Variants in EYS observed in about 807,000 individuals in gnomAD.
EYS encodes EGF-like photoreceptor maintenance factor.
In EYS, 250 loss-of-function variants were observed where a neutral mutation model predicts 282.1. The observed-to-expected ratio is 0.89, with a 90% CI of 0.80 to 0.98. The LOEUF (loss-of-function observed/expected upper bound fraction) is 0.98, where lower values mean the gene tolerates loss of function less well. Ranked by LOEUF, EYS falls within the 50% of genes least tolerant of loss-of-function variation. The probability of loss-of-function intolerance (pLI) is 0.00; values close to 1 mark genes in which losing one functional copy is unlikely to be tolerated. For synonymous variants in EYS, 1,355 were observed against 1,282.9 expected (o/e 1.06, Z -1.20); for missense variants, 4,016 against 3,709.0 (o/e 1.08, Z -2.15).
At chr6:64,620,686 C>T (rs1767419592) in intron 23 of EYS, among the ~76,000 whole-genome samples, 1 of 147,608 alleles carries the variant, frequency 6.8e-6, no homozygotes, top group African/African-American at 2.5e-5. Context: ...AAACATAAAT[C>T]AGGCAAATAA....
chr6:64,812,048 G>A (rs1764612687), intron 22 of EYS, among the ~76,000 whole-genome samples: 1 of 151,954 alleles, frequency 6.6e-6, no homozygotes, highest in Non-Finnish European at 1.5e-5. Flanking sequence ...TTCAATTTAT[G>A]ATTAATGACT....
At chr6:65,487,238 C>A (rs1020531327) in intron 5 of EYS, among the ~76,000 whole-genome samples, 3 of 152,154 alleles carry the variant, frequency 2.0e-5, no homozygotes, top group Non-Finnish European at 4.4e-5. Flanking sequence ...GAGAGGACAT[C>A]CTTGTCTTCT....
At chr6:65,355,827 A>T (rs1243458857) in intron 8 of EYS, among the ~76,000 whole-genome samples, 1 of 152,112 alleles carries the variant, frequency 6.6e-6, no homozygotes, top group African/African-American at 2.4e-5. Context: ...GTCAAAAAAC[A>T]ATAGATGTTG....
At chr6:65,667,716 A>G (rs1314434443) in intron 1 of EYS, among the ~76,000 whole-genome samples, 1 of 151,850 alleles carries the variant, frequency 6.6e-6, no homozygotes, top group African/African-American at 2.4e-5. Context: ...CCTTGAGACC[A>G]AAGATTTTGC....
chr6:65,147,122 T>C (rs1165477144), intron 12 of EYS, among the ~76,000 whole-genome samples: 1 of 152,034 alleles, frequency 6.6e-6, no homozygotes, highest in Non-Finnish European at 1.5e-5. Context: ...AATTGATTAT[T>C]AATTTCTACT....
At chr6:64,145,555 C>A (rs556021336) in intron 31 of EYS, among the ~76,000 whole-genome samples, 22 of 152,248 alleles carry the variant, frequency 1.4e-4, no homozygotes, top group Admixed American at 1.4e-3. Context: ...TCACAAGTGC[C>A]AAATGAATAA....
At chr6:64,325,240 T>C (rs1010308966) in intron 29 of EYS, among the ~76,000 whole-genome samples, 1 of 152,178 alleles carries the variant, frequency 6.6e-6, no homozygotes, top group Non-Finnish European at 1.5e-5. Flanking sequence ...AGATGGTTAA[T>C]ATCACAGGAC....
intron 35 of EYS, among the ~76,000 whole-genome samples, chr6:63,917,668 A>G (rs1002154140): frequency 1.3e-5 from 2 of 152,254 alleles, no homozygotes; most frequent in African/African-American, 2.4e-5. Context: ...TAAAACAGAC[A>G]TGAAATAGGC....
intron 29 of EYS, among the ~76,000 whole-genome samples, chr6:64,360,485 T>C (rs1197114066): frequency 2.0e-5 from 3 of 151,686 alleles, no homozygotes; most frequent in Middle Eastern, 3.4e-3. Context: ...CTTGGTACAC[T>C]AGACTTGGTG....
At chr6:64,809,109 T>C (rs1336654398) in intron 22 of EYS, among the ~76,000 whole-genome samples, 1 of 152,018 alleles carries the variant, frequency 6.6e-6, no homozygotes, top group African/African-American at 2.4e-5. Context: ...AATAATTCAA[T>C]AAACAAGAGT....
At chr6:64,932,122 T>TC (rs1471495886) in intron 15 of EYS, among the ~76,000 whole-genome samples, 1 of 152,086 alleles carries the variant, frequency 6.6e-6, no homozygotes, top group Admixed American at 6.6e-5. Context: ...ATAAGCCTAA[T>TC]CAGCTTCGTG....
intron 32 of EYS, among the ~76,000 whole-genome samples, chr6:64,069,282 A>G (rs1771484169): frequency 6.6e-6 from 1 of 152,032 alleles, no homozygotes; most frequent in African/African-American, 2.4e-5. Context: ...TTCCATTTTG[A>G]TTTCTAATTG....
chr6:64,797,400 C>G (rs1774389894), intron 22 of EYS, among the ~76,000 whole-genome samples: 3 of 151,974 alleles, frequency 2.0e-5, no homozygotes, highest in African/African-American at 7.2e-5. Context: ...AGTTTGTTAT[C>G]TAAATACATT....
chr6:65,044,391 C>T (rs1451704298), intron 13 of EYS, among the ~76,000 whole-genome samples: 1 of 151,646 alleles, frequency 6.6e-6, no homozygotes, highest in Non-Finnish European at 1.5e-5. Context: ...TGATTTCATC[C>T]CATTTGTCTA....
intron 35 of EYS, among the ~76,000 whole-genome samples, chr6:63,948,395 A>C (rs1423863407): frequency 6.6e-6 from 1 of 152,228 alleles, no homozygotes; most frequent in Admixed American, 6.5e-5. Flanking sequence ...GTCTCTCAGA[A>C]ATATGAGACA....
chr6:64,300,234 T>C (rs6454781), intron 30 of EYS, among the ~76,000 whole-genome samples: 114,646 of 151,976 alleles, frequency 0.75, 43,861 homozygotes, highest in African/African-American at 0.9. Context: ...AGAAAAAGCT[T>C]GGTAGTGGGG....
intron 11 of EYS, among the ~76,000 whole-genome samples, chr6:65,319,981 T>G (rs1377983847): frequency 6.6e-6 from 1 of 151,832 alleles, no homozygotes. Context: ...CCCTACTCTT[T>G]TGTCTTTCCT....
chr6:64,918,685 CAG>C (rs1768239691), intron 15 of EYS, among the ~76,000 whole-genome samples: 1 of 151,746 alleles, frequency 6.6e-6, no homozygotes, highest in Non-Finnish European at 1.5e-5. Flanking sequence ...GCAGATGAGG[CAG>C]AGTGAGGAGT....
At chr6:65,156,725 C>A (rs1022883377) in intron 12 of EYS, among the ~76,000 whole-genome samples, 1 of 151,010 alleles carries the variant, frequency 6.6e-6, no homozygotes, top group African/African-American at 2.4e-5. Flanking sequence ...ATCCAAAATA[C>A]CCTTGCTCTT....
Sources: gnomAD v4.1 joint callset for allele counts (sites outside exome capture counted in the v4.1 genomes callset) on GRCh38, gnomAD v4.1.1 for gene constraint, MANE v1.5 for transcripts, NCBI Gene and HGNC (gene_info 2026-07-23, HGNC 2026-07-21) for gene names.